Variants in STPG2 observed in about 807,000 individuals in gnomAD.
STPG2 encodes the protein sperm tail PG-rich repeat containing 2.
In STPG2, 56 loss-of-function variants were observed where a neutral mutation model predicts 54.2. The observed-to-expected ratio is 1.03, with a 90% CI of 0.83 to 1.29. The LOEUF is 1.29. STPG2 is among the 50% of genes most tolerant of loss of function. The probability of loss-of-function intolerance (pLI) is 0.00; values close to 1 mark genes in which losing one functional copy is unlikely to be tolerated. For synonymous variants in STPG2, 200 were observed against 181.8 expected, an observed-to-expected ratio of 1.10 and a Z score of -0.81; for missense variants, 596 against 544.9, an observed-to-expected ratio of 1.09 and a Z score of -0.93.
chr4:97,635,629 T>G (rs1382059209), intron 10 of STPG2, among the ~76,000 whole-genome samples: 1 of 151,886 alleles, frequency 6.6e-6, no homozygotes, highest in Non-Finnish European at 1.5e-5. Flanking sequence ...AGGCTCAAAA[T>G]AAAGGGATGG....
chr4:97,476,525 G>A (rs767965172), intron 4 of STPG2, among the ~76,000 whole-genome samples: 15 of 151,848 alleles, frequency 9.9e-5, no homozygotes, highest in Non-Finnish European at 1.6e-4. Context: ...ATATTGCATT[G>A]TTTAGAATCT....
intron 10 of STPG2, among the ~76,000 whole-genome samples, chr4:97,692,972 C>A (rs538806338): frequency 1.3e-5 from 2 of 152,146 alleles, no homozygotes; most frequent in East Asian, 1.9e-4. Flanking sequence ...AGGAAAGATA[C>A]AATCTTTTTC....
intron 5 of STPG2, among the ~76,000 whole-genome samples, chr4:98,053,656 T>A (rs1002055628): frequency 6.6e-6 from 1 of 152,144 alleles, no homozygotes; most frequent in African/African-American, 2.4e-5. Context: ...TCAGTTTAGA[T>A]GACCAATAAT....
intron 10 of STPG2, among the ~76,000 whole-genome samples, chr4:97,653,887 C>T (rs1722142803): frequency 6.6e-6 from 1 of 152,090 alleles, no homozygotes; most frequent in Non-Finnish European, 1.5e-5. Context: ...TTTATCATAT[C>T]GGCTACCACT....
intron 7 of STPG2, 37 bp downstream of exon 7, chr4:97,972,243 C>A: frequency 7.3e-7 from 1 of 1,376,868 alleles, no homozygotes; most frequent in South Asian, 1.6e-5. Flanking sequence ...GCTTGATATT[C>A]AACATAAAGA....
chr4:97,803,691 C>T (rs554202946), intron 9 of STPG2, among the ~76,000 whole-genome samples: 1 of 152,280 alleles, frequency 6.6e-6, no homozygotes, highest in South Asian at 2.1e-4. Context: ...CAAGTGCGTG[C>T]CACCATGCCT....
intron 8 of STPG2, among the ~76,000 whole-genome samples, chr4:97,855,753 TA>T (rs1475728257): frequency 7.9e-5 from 12 of 152,222 alleles, no homozygotes; most frequent in African/African-American, 2.9e-4. Flanking sequence ...GCCTGTGTCC[TA>T]AATGGTATTG....
At chr4:98,097,370 C>T (rs1403976879) in intron 5 of STPG2, among the ~76,000 whole-genome samples, 4 of 152,042 alleles carry the variant, frequency 2.6e-5, no homozygotes, top group African/African-American at 9.7e-5. Context: ...GAATGAAAGA[C>T]AAAAACTATA....
chr4:97,633,924 C>G (rs989827618), intron 10 of STPG2: 1 of 154,588 alleles, frequency 6.5e-6, no homozygotes, highest in African/African-American at 2.4e-5. Flanking sequence ...GAGGGGCGCC[C>G]ACCATTGCCC....
intron 10 of STPG2, among the ~76,000 whole-genome samples, chr4:97,676,143 T>G (rs991357683): frequency 6.7e-6 from 1 of 149,550 alleles, no homozygotes; most frequent in African/African-American, 2.4e-5. Context: ...TGCTTAGCTC[T>G]ACTGGCACAC....
At chr4:97,951,687 T>C (rs1280700667) in intron 7 of STPG2, among the ~76,000 whole-genome samples, 2 of 152,124 alleles carry the variant, frequency 1.3e-5, no homozygotes, top group Admixed American at 6.6e-5. Context: ...GTTCACTATA[T>C]CCTACGGAGT....
At chr4:97,600,493 C>T (rs1234043242) in intron 10 of STPG2, among the ~76,000 whole-genome samples, 4 of 152,062 alleles carry the variant, frequency 2.6e-5, no homozygotes, top group Non-Finnish European at 2.9e-5. Flanking sequence ...TCTCCAATGA[C>T]GTTAATGCCT....
intron 8 of STPG2, among the ~76,000 whole-genome samples, chr4:97,929,403 T>C (rs1732455724): frequency 6.6e-6 from 1 of 152,278 alleles, no homozygotes; most frequent in African/African-American, 2.4e-5. Context: ...GTAATAAGAT[T>C]GCTGGGTTGA....
At chr4:97,687,076 G>T (rs1196673764) in intron 10 of STPG2, among the ~76,000 whole-genome samples, 1 of 151,610 alleles carries the variant, frequency 6.6e-6, no homozygotes, top group Non-Finnish European at 1.5e-5. Context: ...GAGTAGCTGG[G>T]ACTACAGGCG....
intron 9 of STPG2, among the ~76,000 whole-genome samples, chr4:97,819,834 C>T (rs1430457220): frequency 6.6e-6 from 1 of 151,974 alleles, no homozygotes; most frequent in African/African-American, 2.4e-5. Flanking sequence ...ACATAGAGAA[C>T]ACAATGAAAA....
intron 4 of STPG2, among the ~76,000 whole-genome samples, chr4:97,528,659 T>C (rs1338954217): frequency 1.3e-5 from 2 of 152,174 alleles, no homozygotes; most frequent in Non-Finnish European, 2.9e-5. Flanking sequence ...TTTGTTTGTG[T>C]CCTCTCTTAT....
chr4:97,943,850 C>G, intron 8 of STPG2, 47 bp downstream of exon 8: 3 of 1,395,666 alleles, frequency 2.1e-6, no homozygotes, highest in Non-Finnish European at 2.9e-6. Flanking sequence ...CAGCCTCCTC[C>G]ATGATTTCTA....
At position 98,056,405 on chromosome 4, in the gene STPG2, G is replaced by A. The variant is rs145947473; in HGVS notation, c.612+49548C>T. On this transcript the variant is annotated intron_variant, in intron 5 of 10. Coordinates refer to ENST00000295268, the MANE Select transcript of STPG2 (RefSeq NM_174952.3). ...GTGGTGAATGCCCACGAGGAAGAAGGAACTCCTGCATCAGCTAGCACTTTG... is the reference window on the plus strand; with the variant it reads ...GTGGTGAATGCCCACGAGGAAGAAGAAACTCCTGCATCAGCTAGCACTTTG... Among the ~76,000 whole-genome samples the A allele has an allele frequency of 5.1e-3, 774 of 152,238 alleles. 9 individuals carry two copies. Among genetic ancestry groups the A allele is most frequent in the African/African-American group, 0.017 (727 of 41,552 alleles).
At chr4:97,703,808 G>T (rs1402217458) in intron 10 of STPG2, among the ~76,000 whole-genome samples, 4 of 148,106 alleles carry the variant, frequency 2.7e-5, no homozygotes, top group Non-Finnish European at 5.9e-5. Context: ...GTGTGTGTGT[G>T]TGTGTATATA....
Sources: allele counts gnomAD v4.1 joint callset (sites outside exome capture counted in the v4.1 genomes callset), GRCh38; gene constraint gnomAD v4.1.1; transcripts MANE v1.5; gene names NCBI Gene and HGNC (gene_info 2026-07-23, HGNC 2026-07-21).